CERS6: variants seen among roughly 807,000 people sequenced by gnomAD.
The protein encoded by CERS6 is LAG1 homolog, ceramide synthase 6.
CERS6 carries 26 observed loss-of-function variants against 56.8 expected under a neutral mutation model. The ratio of observed to expected loss-of-function variants is 0.46; its 90% CI spans 0.34 to 0.63. CERS6 has a LOEUF of 0.63. CERS6 is among the 30% of genes least tolerant of loss of function. The pLI is 0.01. For missense variants in CERS6, 415 were observed against 467.5 expected, an observed-to-expected ratio of 0.89 and a Z score of 1.04; for synonymous variants, 164 against 173.3, an observed-to-expected ratio of 0.95 and a Z score of 0.42.
At chr2:168,666,535 G>C (rs1365374334) in intron 4 of CERS6, among the ~76,000 whole-genome samples, 4 of 152,116 alleles carry the variant, frequency 2.6e-5, no homozygotes, top group Non-Finnish European at 5.9e-5. Context: ...TCCATTGTGT[G>C]TATATACCAC....
chr2:168,588,735 C>A (rs1377668109), intron 3 of CERS6, among the ~76,000 whole-genome samples: 1 of 152,154 alleles, frequency 6.6e-6, no homozygotes, highest in Non-Finnish European at 1.5e-5. Flanking sequence ...TTGTTCAAGA[C>A]CCTGCTTTCA....
intron 3 of CERS6, among the ~76,000 whole-genome samples, chr2:168,572,413 G>A (rs1458055827): frequency 6.6e-6 from 1 of 152,142 alleles, no homozygotes; most frequent in African/African-American, 2.4e-5. Context: ...ATAAAGAGAA[G>A]TAAAGAGAGG....
intron 4 of CERS6, among the ~76,000 whole-genome samples, chr2:168,636,260 C>T (rs1378200166): frequency 6.6e-6 from 1 of 152,128 alleles, no homozygotes; most frequent in Non-Finnish European, 1.5e-5. Context: ...AACTGGAAGC[C>T]TGTTTTGCTG....
chr2:168,583,524 T>A (rs1027935134), intron 3 of CERS6, among the ~76,000 whole-genome samples: 1 of 152,242 alleles, frequency 6.6e-6, no homozygotes, highest in African/African-American at 2.4e-5. Flanking sequence ...TTTAACCACA[T>A]GCTATGAGCT....
At chr2:168,594,246 T>C (rs1231348195) in intron 3 of CERS6, among the ~76,000 whole-genome samples, 1 of 152,170 alleles carries the variant, frequency 6.6e-6, no homozygotes, top group Non-Finnish European at 1.5e-5. Context: ...GTAAATTACT[T>C]GGTGCTTCTT....
chr2:168,693,612 A>G (rs1351623332), intron 5 of CERS6, among the ~76,000 whole-genome samples: 1 of 152,144 alleles, frequency 6.6e-6, no homozygotes, highest in East Asian at 1.9e-4. Flanking sequence ...TAGGAAGTGT[A>G]TTCTACTCAG....
At chr2:168,581,116 T>C (rs561403617) in intron 3 of CERS6, among the ~76,000 whole-genome samples, 14 of 151,952 alleles carry the variant, frequency 9.2e-5, no homozygotes, top group Non-Finnish European at 1.8e-4. Context: ...CCTCCCAGGC[T>C]CAAGCAATTC....
At chr2:168,588,120 A>G (rs1324016747) in intron 3 of CERS6, among the ~76,000 whole-genome samples, 1 of 138,904 alleles carries the variant, frequency 7.2e-6, no homozygotes. Flanking sequence ...ATCTCTCTCT[A>G]TGTTGCCCAT....
At chr2:168,573,870 T>C (rs1683181999) in intron 3 of CERS6, among the ~76,000 whole-genome samples, 1 of 152,056 alleles carries the variant, frequency 6.6e-6, no homozygotes, top group South Asian at 2.1e-4. Context: ...TGCAGAAAAA[T>C]AGAAACTGAG....
chr2:168,546,435 A>C (rs1695467344), intron 1 of CERS6, among the ~76,000 whole-genome samples: 1 of 152,184 alleles, frequency 6.6e-6, no homozygotes, highest in Non-Finnish European at 1.5e-5. Context: ...TTAGGCTTGC[A>C]CGTGTACAAT....
intron 1 of CERS6, among the ~76,000 whole-genome samples, chr2:168,506,604 T>A (rs1189438324): frequency 1.3e-5 from 2 of 152,192 alleles, no homozygotes; most frequent in African/African-American, 4.8e-5. Flanking sequence ...ACAATAGATA[T>A]GAGATCAGTT....
At chr2:168,546,579 A>T (rs1695469663) in intron 1 of CERS6, among the ~76,000 whole-genome samples, 1 of 152,170 alleles carries the variant, frequency 6.6e-6, no homozygotes, top group South Asian at 2.1e-4. Context: ...ACTGTTCTTT[A>T]ATCTCATCAA....
intron 7 of CERS6, among the ~76,000 whole-genome samples, chr2:168,716,254 G>A (rs1687223606): frequency 6.6e-6 from 1 of 152,030 alleles, no homozygotes; most frequent in African/African-American, 2.4e-5. Context: ...TTTTTTAGTA[G>A]GATAAATATA....
At chr2:168,652,575 TA>T (rs35961972) in intron 4 of CERS6, among the ~76,000 whole-genome samples, 6,483 of 138,900 alleles carry the variant, frequency 0.047, 150 homozygotes, top group African/African-American at 0.067. Context: ...AAAAAAGTGT[TA>T]AAAAAAAAAA....
chr2:168,578,065 G>A (rs952110603), intron 3 of CERS6, among the ~76,000 whole-genome samples: 2 of 152,190 alleles, frequency 1.3e-5, no homozygotes, highest in Non-Finnish European at 2.9e-5. Context: ...TGGGAAACTA[G>A]GTTGAAAGCA....
Position 168,670,929 on chromosome 2 carries a change from A to T in CERS6, c.466-20105A>T, listed in dbSNP as rs927259362. Among the ~76,000 whole-genome samples the T allele has an allele frequency of 3.8e-4, 54 of 142,568 alleles. 1 individual carries two copies. The highest frequency in any genetic ancestry group is 7.4e-4 in the Non-Finnish European group (49 of 66,198). The allele number at this position is 142,568 out of a possible 152,430, so 93.5% of individuals were successfully genotyped here. A position where few individuals can be genotyped will look rare whatever the true frequency, so the allele number is the denominator to read the frequency against. ...CACTCCTAAATTCCTAGTACCTGTA[A>T]CGCTGCCTGGCACAGAGCAGGTGCT... On this transcript the variant is annotated intron_variant, in intron 4 of 9. Coordinates refer to ENST00000305747, the MANE Select transcript of CERS6 (RefSeq NM_203463.3).
intron 3 of CERS6, among the ~76,000 whole-genome samples, chr2:168,606,829 C>A (rs1684064006): frequency 6.6e-6 from 1 of 152,162 alleles, no homozygotes; most frequent in Non-Finnish European, 1.5e-5. Context: ...ACTGTCATTG[C>A]AATAGTGAGT....
intron 3 of CERS6, among the ~76,000 whole-genome samples, chr2:168,607,865 G>A (rs1408055310): frequency 6.6e-6 from 1 of 152,174 alleles, no homozygotes; most frequent in African/African-American, 2.4e-5. Flanking sequence ...TTGGCTCTGG[G>A]CTCACACGGA....
intron 3 of CERS6, among the ~76,000 whole-genome samples, chr2:168,610,241 T>A (rs984665191): frequency 1.3e-5 from 2 of 152,124 alleles, no homozygotes; most frequent in African/African-American, 4.8e-5. Flanking sequence ...CCTCCCAAAG[T>A]GCTGGGATTA....
Sources: gnomAD v4.1 joint callset for allele counts (sites outside exome capture counted in the v4.1 genomes callset) on GRCh38, gnomAD v4.1.1 for gene constraint, MANE v1.5 for transcripts, NCBI Gene and HGNC (gene_info 2026-07-23, HGNC 2026-07-21) for gene names.